The following SCFD2 variants were observed in gnomAD, a reference collection of about 807,000 sequenced individuals.
SCFD2 encodes sec1 family domain-containing protein 2.
Under a neutral mutation model 58.9 loss-of-function variants are expected in SCFD2, and 54 were observed. The ratio of observed to expected loss-of-function variants is 0.92; its 90% CI spans 0.74 to 1.15. The LOEUF is 1.15. Among genes scored for constraint, SCFD2 ranks in the 50% most tolerant of loss-of-function variants. The pLI, the probability that SCFD2 is intolerant of heterozygous loss-of-function variation, is 0.00. For missense variants in SCFD2, 805 were observed against 836.6 expected (o/e 0.96, Z 0.47); for synonymous variants, 321 against 335.9 (o/e 0.96, Z 0.49).
At position 52,873,768 on chromosome 4, in the gene SCFD2, A is replaced by C. The variant is rs1718404153; in HGVS notation, c.*201T>G. The C allele has an allele frequency of 2.2e-6, 1 of 457,542 alleles. No homozygotes were observed. Among genetic ancestry groups the C allele is most frequent in the Admixed American group, 3.6e-5 (1 of 27,988 alleles). 28.3% of individuals were successfully genotyped at this position (457,542 alleles called of 1,614,324 possible). A position where few individuals can be genotyped will look rare whatever the true frequency, so the allele number is the denominator to read the frequency against. ...ACTGTCGCCTTCAGGAAAATAAAAA[A>C]ACTTTTTTTTTTTTTTTTTAAGAAT... On this transcript the variant is annotated 3_prime_UTR_variant, in exon 9 of 9. Transcript: ENST00000401642.
chr4:52,977,035 T>C (rs1247920705), intron 5 of SCFD2, among the ~76,000 whole-genome samples: 1 of 152,128 alleles, frequency 6.6e-6, no homozygotes. Flanking sequence ...TGACACATAG[T>C]GAGCTCTGTG....
intron 5 of SCFD2, among the ~76,000 whole-genome samples, chr4:53,105,746 G>A (rs1255128441): frequency 3.9e-5 from 6 of 152,166 alleles, no homozygotes; most frequent in African/African-American, 9.7e-5. Context: ...GGGAAGGAGC[G>A]GCTGTGGGCG....
chr4:52,990,848 C>A (rs185753645), intron 5 of SCFD2, among the ~76,000 whole-genome samples: 2 of 152,326 alleles, frequency 1.3e-5, no homozygotes. Flanking sequence ...AAGAAACTGT[C>A]CACTCTTGTA....
chr4:52,940,517 A>T (rs1720265220), intron 5 of SCFD2, among the ~76,000 whole-genome samples: 1 of 152,186 alleles, frequency 6.6e-6, no homozygotes, highest in Non-Finnish European at 1.5e-5. Context: ...CTAACTATAG[A>T]AGGGTTAATG....
chr4:52,914,644 T>A (rs1044473381), intron 6 of SCFD2, among the ~76,000 whole-genome samples: 1 of 152,138 alleles, frequency 6.6e-6, no homozygotes, highest in African/African-American at 2.4e-5. Flanking sequence ...AAACATACAG[T>A]GCCTTGGGCC....
chr4:53,219,372 A>G (rs1728975753), intron 4 of SCFD2, among the ~76,000 whole-genome samples: 1 of 152,158 alleles, frequency 6.6e-6, no homozygotes, highest in East Asian at 1.9e-4. Context: ...GCCGCCTTGC[A>G]GTTCGATCTC....
At chr4:52,892,363 G>T (rs1248641357) in intron 7 of SCFD2, among the ~76,000 whole-genome samples, 1 of 152,106 alleles carries the variant, frequency 6.6e-6, no homozygotes. Context: ...TCTGTCTTGT[G>T]CACTGCTGCC....
intron 5 of SCFD2, among the ~76,000 whole-genome samples, chr4:53,031,839 T>C (rs1722622993): frequency 6.6e-6 from 1 of 152,100 alleles, no homozygotes; most frequent in Non-Finnish European, 1.5e-5. Flanking sequence ...ACGAGGAGAA[T>C]GGAACCAAGG....
chr4:53,181,608 C>G (rs1384110438), intron 4 of SCFD2, among the ~76,000 whole-genome samples: 1 of 152,138 alleles, frequency 6.6e-6, no homozygotes, highest in Non-Finnish European at 1.5e-5. Flanking sequence ...GACAGAGATG[C>G]CCTCTCTCAC....
intron 5 of SCFD2, among the ~76,000 whole-genome samples, chr4:53,049,317 G>A (rs13129159): frequency 0.6 from 90,577 of 152,070 alleles, 28,364 homozygotes; most frequent in Non-Finnish European, 0.7. Context: ...AGAGGATGGT[G>A]AAGAGGAATG....
intron 4 of SCFD2, among the ~76,000 whole-genome samples, chr4:53,210,017 G>C (rs1728559467): frequency 6.6e-6 from 1 of 151,904 alleles, no homozygotes; most frequent in African/African-American, 2.4e-5. Context: ...TCATCTTCTG[G>C]CCCTTATCAC....
In SCFD2 at chr4:53,037,345, A is replaced by G. The variant is rs185522330; in HGVS notation, c.1561+107988T>C. Among the ~76,000 whole-genome samples, 330 of 152,276 alleles carry G rather than the reference A, an allele frequency of 2.2e-3. 2 individuals are homozygous for G. Among genetic ancestry groups the G allele is most frequent in the Non-Finnish European group, 2.7e-3 (186 of 68,034 alleles). The stretch of plus-strand genomic sequence containing the variant: ...AAAAATTATGGAGAAATATTCTCCA[A>G]ATAGTAAGAGAAGTTGCATAAGAGA... On this transcript the variant is annotated intron_variant, in intron 5 of 8. Transcript: ENST00000401642.
intron 5 of SCFD2, among the ~76,000 whole-genome samples, chr4:53,028,230 G>A (rs1577670091): frequency 1.3e-5 from 2 of 152,044 alleles, no homozygotes; most frequent in Non-Finnish European, 2.9e-5. Context: ...CTGGGTGACA[G>A]AGCAAGACCC....
At chr4:53,163,109 G>A (rs747774564) in intron 4 of SCFD2, among the ~76,000 whole-genome samples, 2 of 152,028 alleles carry the variant, frequency 1.3e-5, no homozygotes, top group African/African-American at 2.4e-5. Flanking sequence ...AGTGGAGCCG[G>A]GACAAGGCCC....
chr4:53,250,049 G>A (rs1221997425), intron 4 of SCFD2, among the ~76,000 whole-genome samples: 1 of 152,058 alleles, frequency 6.6e-6, no homozygotes, highest in Non-Finnish European at 1.5e-5. Context: ...CTGTATTCAG[G>A]AAACCCATCT....
chr4:53,113,933 T>C (rs1479806037), intron 5 of SCFD2, among the ~76,000 whole-genome samples: 1 of 152,150 alleles, frequency 6.6e-6, no homozygotes, highest in Non-Finnish European at 1.5e-5. Context: ...TTATTTCTTC[T>C]CACTGTTTTA....
chr4:53,139,096 C>A (rs1345885512), intron 5 of SCFD2, among the ~76,000 whole-genome samples: 2 of 152,208 alleles, frequency 1.3e-5, no homozygotes, highest in African/African-American at 2.4e-5. Flanking sequence ...GTCTCCAGCT[C>A]CTGACCGCAA....
At chr4:53,176,961 A>G (rs1296012294) in intron 4 of SCFD2, among the ~76,000 whole-genome samples, 12 of 151,554 alleles carry the variant, frequency 7.9e-5, no homozygotes, top group South Asian at 4.2e-4. Flanking sequence ...AAAAAAAAAA[A>G]AAAGAAAGAA....
At chr4:53,005,628 A>G (rs1024711109) in intron 5 of SCFD2, among the ~76,000 whole-genome samples, 1 of 152,138 alleles carries the variant, frequency 6.6e-6, no homozygotes, top group Non-Finnish European at 1.5e-5. Flanking sequence ...TTAAATTTGC[A>G]TCTATTTCCT....
Sources: gnomAD v4.1 joint callset for allele counts (sites outside exome capture counted in the v4.1 genomes callset) on GRCh38, gnomAD v4.1.1 for gene constraint, MANE v1.5 for transcripts, NCBI Gene and HGNC (gene_info 2026-07-23, HGNC 2026-07-21) for gene names.